The following MACROD2 variants were observed in gnomAD, a reference collection of about 807,000 sequenced individuals.
MACROD2 encodes the protein mono-ADP ribosylhydrolase 2, also known as ADP-ribose glycohydrolase MACROD2.
A neutral mutation model predicts 70.4 loss-of-function variants in MACROD2; 36 were observed. The observed-to-expected ratio is 0.51, with a 90% CI of 0.39 to 0.68. The LOEUF is 0.68. Ranked by LOEUF, MACROD2 falls within the 30% of genes least tolerant of loss-of-function variation. The probability of loss-of-function intolerance (pLI) is 0.00; values close to 1 mark genes in which losing one functional copy is unlikely to be tolerated. For synonymous variants in MACROD2, 172 were observed against 178.8 expected (o/e 0.96, Z 0.30); for missense variants, 496 against 538.4 (o/e 0.92, Z 0.78).
intron 15 of MACROD2, among the ~76,000 whole-genome samples, chr20:16,009,837 C>T (rs1344663407): frequency 6.6e-6 from 1 of 152,144 alleles, no homozygotes; most frequent in East Asian, 1.9e-4. Context: ...AACATTCTTT[C>T]TGCCGCCCAT....
intron 3 of MACROD2, among the ~76,000 whole-genome samples, chr20:14,228,184 G>T (rs1380158753): frequency 1.3e-4 from 20 of 151,874 alleles, no homozygotes; most frequent in African/African-American, 4.3e-4. Context: ...GAGAGAGAGA[G>T]AGAGAGAGAG....
Position 14,300,595 on chromosome 20 carries a change from T to G in MACROD2, c.272-192884T>G, listed in dbSNP as rs567870651. The stretch of plus-strand genomic sequence containing the variant: ...AGTCTTCCTTGGCCAGTCACTTATG[T>G]TTTTAAGTAGGATTCAGAATCAGAG... On this transcript the variant is annotated intron_variant, in intron 3 of 17. Transcript: ENST00000684519. Among the ~76,000 whole-genome samples, 8 of 152,324 alleles carry G rather than the reference T, an allele frequency of 5.3e-5. No individual in the cohort carries two copies. In the South Asian group the frequency reaches 1.5e-3, roughly 28 times the overall value.
chr20:15,566,181 A>G (rs927115299), intron 8 of MACROD2, among the ~76,000 whole-genome samples: 10 of 152,112 alleles, frequency 6.6e-5, no homozygotes, highest in Admixed American at 1.3e-4. Context: ...GTGAAACCCC[A>G]TTAGAAATAC....
In MACROD2 at chr20:15,320,527, C is replaced by G. The variant is rs1023476968; in HGVS notation, c.540+90466C>G. 3.3e-5 allele frequency among the ~76,000 whole-genome samples: 5 copies of G among 152,168 alleles called. No homozygotes were observed. The South Asian group carries it at 1.0e-3, about 32-fold the overall frequency. On this transcript the variant is annotated intron_variant, in intron 6 of 17. Coordinates refer to ENST00000684519, the MANE Select transcript of MACROD2 (RefSeq NM_001351661.2). The stretch of plus-strand genomic sequence containing the variant: ...TCTTAGAGTCTGACAGACCTGGGTT[C>G]AAATTCCTCATTCATTCATTTTATC...
At chr20:15,341,513 G>A (rs950159344) in intron 6 of MACROD2, among the ~76,000 whole-genome samples, 2 of 152,174 alleles carry the variant, frequency 1.3e-5, no homozygotes, top group African/African-American at 4.8e-5. Flanking sequence ...TATGGTCAAA[G>A]TATTGCCCTG....
chr20:16,033,032 T>C (rs1284678723), intron 15 of MACROD2, among the ~76,000 whole-genome samples: 1 of 152,068 alleles, frequency 6.6e-6, no homozygotes, highest in East Asian at 1.9e-4. Context: ...AAAACAATTA[T>C]TCTTGGCACT....
At chr20:14,194,164 T>C (rs1306145829) in intron 3 of MACROD2, among the ~76,000 whole-genome samples, 1 of 152,184 alleles carries the variant, frequency 6.6e-6, no homozygotes, top group Non-Finnish European at 1.5e-5. Context: ...GGAACTGGAA[T>C]GTGGCTGCTC....
chr20:14,753,395 A>G (rs16994897), intron 5 of MACROD2, among the ~76,000 whole-genome samples: 4,009 of 152,150 alleles, frequency 0.026, 210 homozygotes, highest in African/African-American at 0.091. Flanking sequence ...TATGTTCAAT[A>G]TATTTTCAAC....
chr20:14,402,970 C>A (rs2083653986), intron 3 of MACROD2, among the ~76,000 whole-genome samples: 1 of 152,082 alleles, frequency 6.6e-6, no homozygotes, highest in Non-Finnish European at 1.5e-5. Context: ...TTTCATAAGG[C>A]AAAATATCTC....
At chr20:15,086,726 A>C (rs2123150779) in intron 5 of MACROD2, among the ~76,000 whole-genome samples, 1 of 152,292 alleles carries the variant, frequency 6.6e-6, no homozygotes, top group South Asian at 2.1e-4. Context: ...GTGACAGTCA[A>C]GTTTTCCTTC....
intron 6 of MACROD2, among the ~76,000 whole-genome samples, chr20:15,430,696 AG>A (rs1460986194): frequency 6.6e-6 from 1 of 152,058 alleles, no homozygotes; most frequent in East Asian, 1.9e-4. Flanking sequence ...CTGTCAAAAA[AG>A]GGGTACATAT....
intron 3 of MACROD2, among the ~76,000 whole-genome samples, chr20:14,368,593 A>G (rs78012101): frequency 0.015 from 2,252 of 152,086 alleles, 23 homozygotes; most frequent in African/African-American, 0.027. Flanking sequence ...ATGATAACGT[A>G]TTAAATCTAG....
chr20:15,663,057 G>T (rs1434317636), intron 8 of MACROD2, among the ~76,000 whole-genome samples: 1 of 151,984 alleles, frequency 6.6e-6, no homozygotes, highest in South Asian at 2.1e-4. Flanking sequence ...AAAGGTAAAG[G>T]AATAGAAGTC....
chr20:14,638,524 C>T (rs1984909292), intron 4 of MACROD2, among the ~76,000 whole-genome samples: 2 of 152,118 alleles, frequency 1.3e-5, no homozygotes, highest in African/African-American at 4.8e-5. Flanking sequence ...GAAGATGGGC[C>T]AGCCCTAAAC....
intron 5 of MACROD2, among the ~76,000 whole-genome samples, chr20:15,222,670 G>A (rs1296926621): frequency 6.6e-6 from 1 of 152,118 alleles, no homozygotes; most frequent in Non-Finnish European, 1.5e-5. Context: ...CAAGAATGGA[G>A]TGAATGAAAG....
At chr20:15,851,599 C>A (rs1417112827) in intron 8 of MACROD2, among the ~76,000 whole-genome samples, 2 of 152,168 alleles carry the variant, frequency 1.3e-5, no homozygotes, top group East Asian at 1.9e-4. Flanking sequence ...AAAACTCTGT[C>A]TTCAAATATA....
chr20:16,006,132 C>T (rs1201742242), intron 15 of MACROD2, among the ~76,000 whole-genome samples: 1 of 152,208 alleles, frequency 6.6e-6, no homozygotes, highest in Non-Finnish European at 1.5e-5. Flanking sequence ...CTCCTCCGCC[C>T]ATCCCTCCTT....
At chr20:15,067,915 A>T (rs2075590140) in intron 5 of MACROD2, among the ~76,000 whole-genome samples, 1 of 152,220 alleles carries the variant, frequency 6.6e-6, no homozygotes, top group African/African-American at 2.4e-5. Context: ...AACAAATAAT[A>T]AATGTATCTC....
At chr20:15,183,488 C>A (rs1385916720) in intron 5 of MACROD2, among the ~76,000 whole-genome samples, 1 of 151,114 alleles carries the variant, frequency 6.6e-6, no homozygotes, top group Non-Finnish European at 1.5e-5. Context: ...GGCAATAGAA[C>A]AAGACCCTGT....
Sources: allele counts gnomAD v4.1 joint callset (sites outside exome capture counted in the v4.1 genomes callset), GRCh38; gene constraint gnomAD v4.1.1; transcripts MANE v1.5; gene names NCBI Gene and HGNC (gene_info 2026-07-23, HGNC 2026-07-21).